The following NFATC1 variants were observed in gnomAD, a reference collection of about 807,000 sequenced individuals.
The protein encoded by NFATC1 is nuclear factor of activated T-cells, cytoplasmic 1.
In NFATC1, 22 loss-of-function variants were observed where a neutral mutation model predicts 76.0. The observed-to-expected ratio is 0.29, with a 90% CI of 0.21 to 0.41. The LOEUF (loss-of-function observed/expected upper bound fraction) is 0.41, where lower values mean the gene tolerates loss of function less well. Among genes scored for constraint, NFATC1 ranks in the 10% least tolerant of loss-of-function variants. The pLI, the probability that NFATC1 is intolerant of heterozygous loss-of-function variation, is 1.00. For missense variants in NFATC1, 1,357 were observed against 1,337.7 expected, an observed-to-expected ratio of 1.01 and a Z score of -0.23; for synonymous variants, 704 against 613.1, an observed-to-expected ratio of 1.15 and a Z score of -2.19.
intron 7 of NFATC1, among the ~76,000 whole-genome samples, chr18:79,462,945 T>G (rs572703553): frequency 1.1e-3 from 164 of 151,030 alleles, no homozygotes; most frequent in Non-Finnish European, 2.0e-3. Flanking sequence ...CGGGGAGGAG[T>G]CTTGAGGTCG....
At chr18:79,470,346 T>A (rs1436039628) in intron 8 of NFATC1, 2 of 152,278 alleles carry the variant, frequency 1.3e-5, no homozygotes, top group African/African-American at 4.8e-5. Flanking sequence ...GTTTCCGCTG[T>A]GCCGATGAGC....
chr18:79,418,540 G>T (rs1204617658), intron 2 of NFATC1, among the ~76,000 whole-genome samples: 1 of 152,214 alleles, frequency 6.6e-6, no homozygotes, highest in Admixed American at 6.5e-5. Context: ...GGAGCCTTCT[G>T]GGGTCAGAGC....
intron 7 of NFATC1, among the ~76,000 whole-genome samples, chr18:79,462,748 C>T (rs917999638): frequency 1.5e-4 from 22 of 144,720 alleles, no homozygotes; most frequent in African/African-American, 5.5e-4. Flanking sequence ...AAGACATGAA[C>T]ATGCTTCTGA....
At chr18:79,434,007 A>G (rs1057200993) in intron 3 of NFATC1, among the ~76,000 whole-genome samples, 4 of 151,884 alleles carry the variant, frequency 2.6e-5, no homozygotes, top group Non-Finnish European at 4.4e-5. Context: ...TGTGGTGTGG[A>G]TGTTTTGGGG....
chr18:79,457,895 T>C (rs2144834062), intron 6 of NFATC1, among the ~76,000 whole-genome samples: 1 of 152,344 alleles, frequency 6.6e-6, no homozygotes, highest in African/African-American at 2.4e-5. Flanking sequence ...CGTAGGGTCC[T>C]CAGGTCCCCT....
intron 2 of NFATC1, among the ~76,000 whole-genome samples, chr18:79,430,732 G>A (rs2086561990): frequency 6.6e-6 from 1 of 152,224 alleles, no homozygotes; most frequent in African/African-American, 2.4e-5. Flanking sequence ...GCAAAAGATA[G>A]GTGCAAGGTG....
chr18:79,397,652 T>G (rs2085052260), intron 1 of NFATC1, among the ~76,000 whole-genome samples: 1 of 152,240 alleles, frequency 6.6e-6, no homozygotes, highest in Non-Finnish European at 1.5e-5. Flanking sequence ...AATTTTTTTT[T>G]GTTGGAGTTT....
chr18:79,446,617 C>G (rs1049952640), intron 3 of NFATC1, among the ~76,000 whole-genome samples: 1 of 152,138 alleles, frequency 6.6e-6, no homozygotes, highest in Non-Finnish European at 1.5e-5. Context: ...GTCTCTCTTC[C>G]GAGGAGCTGA....
chr18:79,495,953 G>C (rs866830377), intron 9 of NFATC1: 7 of 152,370 alleles, frequency 4.6e-5, no homozygotes, highest in African/African-American at 1.7e-4. Context: ...GCCGTGAACA[G>C]TAGTAAGGCG....
chr18:79,489,357 C>T (rs1391584853), intron 9 of NFATC1, among the ~76,000 whole-genome samples: 1 of 152,202 alleles, frequency 6.6e-6, no homozygotes, highest in Non-Finnish European at 1.5e-5. Context: ...AGTGCATCTG[C>T]CATGGGGCTG....
At chr18:79,455,133 C>T (rs528174790) in intron 6 of NFATC1, among the ~76,000 whole-genome samples, 1 of 152,374 alleles carries the variant, frequency 6.6e-6, no homozygotes, top group East Asian at 1.9e-4. Flanking sequence ...GTTCTCGATG[C>T]TGGAGCTGAA....
chr18:79,450,544 C>T (rs1035304421), intron 4 of NFATC1, among the ~76,000 whole-genome samples: 2 of 152,124 alleles, frequency 1.3e-5, no homozygotes, highest in Admixed American at 1.3e-4. Flanking sequence ...TCTGGCCCCT[C>T]CCCTGGGCCG....
At chr18:79,473,371 C>G (rs2088863919) in intron 8 of NFATC1, among the ~76,000 whole-genome samples, 1 of 152,284 alleles carries the variant, frequency 6.6e-6, no homozygotes, top group Non-Finnish European at 1.5e-5. Context: ...AGCGTGTTCT[C>G]ACGCTTACTG....
At chr18:79,443,022 A>G (rs147672006) in intron 3 of NFATC1, among the ~76,000 whole-genome samples, 14 of 152,308 alleles carry the variant, frequency 9.2e-5, no homozygotes, top group Non-Finnish European at 1.8e-4. Flanking sequence ...CAAGAGACTT[A>G]TGTTGAAACA....
intron 3 of NFATC1, among the ~76,000 whole-genome samples, chr18:79,435,959 G>A (rs958856347): frequency 4.0e-5 from 6 of 151,364 alleles, no homozygotes; most frequent in Non-Finnish European, 7.3e-5. Flanking sequence ...TGATGTATCT[G>A]TGGCAGAGTG....
In NFATC1 at chr18:79,464,667, T is replaced by TAC. The variant is rs1348648341; in HGVS notation, c.1960-2783_1960-2782insAC. Among the ~76,000 whole-genome samples, 5 of 124,208 alleles carry TAC rather than the reference T, an allele frequency of 4.0e-5. No individual in the cohort carries two copies. The East Asian group carries it at 9.3e-4, about 23-fold the overall frequency. 81.5% of individuals were successfully genotyped at this position (124,208 alleles called of 152,430 possible). On this transcript the variant is annotated intron_variant, in intron 7 of 9. Transcript: ENST00000427363. ...ATGTGTTTGTGTGTGTGTGTGTGTG[T>TAC]GTGTATATGTATGTGTATATATATA...
chr18:79,396,489 A>AGGGGC (rs1463010236), intron 1 of NFATC1, 138 bp downstream of exon 1: 9 of 430,926 alleles, frequency 2.1e-5, no homozygotes, highest in Non-Finnish European at 2.7e-5. Context: ...GCGCCCAGGG[A>AGGGGC]GGGGCGCGGC....
At chr18:79,441,843 T>C (rs752434597) in intron 3 of NFATC1, among the ~76,000 whole-genome samples, 2 of 152,078 alleles carry the variant, frequency 1.3e-5, no homozygotes, top group African/African-American at 2.4e-5. Context: ...TCTCTCTCCA[T>C]AGAAGGTCGA....
chr18:79,440,956 T>C (rs1233485462), intron 3 of NFATC1, among the ~76,000 whole-genome samples: 1 of 152,206 alleles, frequency 6.6e-6, no homozygotes, highest in Non-Finnish European at 1.5e-5. Context: ...TGTGCCCGTC[T>C]GGGCTGGGCT....
Sources: gnomAD v4.1 joint callset for allele counts (sites outside exome capture counted in the v4.1 genomes callset) on GRCh38, gnomAD v4.1.1 for gene constraint, MANE v1.5 for transcripts, NCBI Gene and HGNC (gene_info 2026-07-23, HGNC 2026-07-21) for gene names.